TMEM68: variants seen among roughly 807,000 people sequenced by gnomAD.
TMEM68 encodes DGAT1/2-independent enzyme synthesizing storage lipids.
TMEM68 carries 25 observed loss-of-function variants against 36.9 expected under a neutral mutation model. The ratio of observed to expected loss-of-function variants is 0.68; its 90% CI spans 0.49 to 0.95. The LOEUF (loss-of-function observed/expected upper bound fraction) is 0.95. Among genes scored for constraint, TMEM68 ranks in the 40% least tolerant of loss-of-function variants. TMEM68 has a pLI of 0.00. For missense variants in TMEM68, 333 were observed against 392.0 expected (o/e 0.85, Z 1.27); for synonymous variants, 131 against 124.4 (o/e 1.05, Z -0.35).
At chr8:55,765,421 C>A (rs559957010) in intron 1 of TMEM68, among the ~76,000 whole-genome samples, 2 of 152,154 alleles carry the variant, frequency 1.3e-5, no homozygotes, top group African/African-American at 4.8e-5. Flanking sequence ...GTACGGTAAC[C>A]CCTGTGCCTC....
At chr8:55,773,007 G>C (rs1208098589) in intron 1 of TMEM68, 1 of 152,512 alleles carries the variant, frequency 6.6e-6, no homozygotes, top group African/African-American at 2.4e-5. Context: ...GAGAAGAGGG[G>C]CGGGGAGAGC....
intron 3 of TMEM68, among the ~76,000 whole-genome samples, chr8:55,757,358 T>TAGA (rs1385869976): frequency 1.1e-4 from 17 of 152,074 alleles, no homozygotes; most frequent in Non-Finnish European, 1.5e-5. Context: ...ACAAAATACT[T>TAGA]AAAGTCCCAC....
chr8:55,740,849 A>T (rs10106127), intron 7 of TMEM68, among the ~76,000 whole-genome samples: 24,571 of 152,178 alleles, frequency 0.16, 2,398 homozygotes, highest in East Asian at 0.3. Flanking sequence ...ATGAGTCATC[A>T]TGAACTATGT....
Position 55,749,820 on chromosome 8 carries a change from TA to T in TMEM68, c.687+1143del, listed in dbSNP as rs141971145. Among the ~76,000 whole-genome samples, 689 of 152,346 alleles carry T rather than the reference TA, an allele frequency of 4.5e-3. 9 individuals carry two copies. Among genetic ancestry groups the T allele is most frequent in the African/African-American group, 0.016 (645 of 41,576 alleles). On this transcript the variant is annotated intron_variant, in intron 5 of 7. Coordinates refer to ENST00000434581, the MANE Select transcript of TMEM68 (RefSeq NM_001286657.2). ...AGATTTCTGTTTGTTTTTAAACTTA[TA>T]AAAAGGTATTTCTTAAACTTTCTAA...
chr8:55,754,468 C>T (rs9721034), intron 4 of TMEM68, among the ~76,000 whole-genome samples: 59,340 of 91,688 alleles, frequency 0.65, 16,387 homozygotes, highest in Non-Finnish European at 0.68. Context: ...TATATATATA[C>T]ACACACACAC....
intron 4 of TMEM68, 111 bp from the exon 5 acceptor site, chr8:55,751,268 C>T (rs1585714209): frequency 2.1e-6 from 2 of 963,228 alleles, no homozygotes; most frequent in East Asian, 2.8e-5. Context: ...AATCAGTAAA[C>T]TTTTTTACTT....
intron 2 of TMEM68, chr8:55,763,717 C>G (rs1810877738): frequency 2.1e-5 from 1 of 47,012 alleles, no homozygotes; most frequent in Non-Finnish European, 5.6e-5. Context: ...CAAAAGAAAA[C>G]ATCAATATCT....
At position 55,762,930 on chromosome 8, in the gene TMEM68, T is replaced by C. The variant is rs531200613; in HGVS notation, c.30A>G (p.Val10=). 2 of 1,598,814 alleles carry C rather than the reference T, an allele frequency of 1.3e-6. No homozygotes were observed. Among genetic ancestry groups the C allele is most frequent in the African/African-American group, 2.7e-5 (2 of 74,342 alleles). The change falls in exon 3 of 8, where the codon GTA becomes GTG. Residue 10 remains valine (V), a synonymous_variant. Transcript: ENST00000434581. The part of the protein sequence containing the change: MIDKNQTCG[V]GQDSVPYMIC... The stretch of plus-strand genomic sequence containing the variant: ...TCATATAGGGCACAGAATCCTGTCC[T>C]ACACCACAGGTTTGATTTTTGTCTA...
chr8:55,760,825 T>C (rs2129999841), intron 3 of TMEM68: 1 of 152,350 alleles, frequency 6.6e-6, no homozygotes, highest in Non-Finnish European at 1.5e-5. Flanking sequence ...TGTTTCCATA[T>C]TATATCATTT....
chr8:55,750,434 A>G (rs191774459), intron 5 of TMEM68, among the ~76,000 whole-genome samples: 1 of 152,326 alleles, frequency 6.6e-6, no homozygotes, highest in Admixed American at 6.5e-5. Context: ...TTCCATAGGT[A>G]ATAGATAAGT....
rs1217940428 is a variant in TMEM68, at chr8:55,754,889, T to C, written c.493+1355A>G. On this transcript the variant is annotated intron_variant, in intron 4 of 7. Transcript: ENST00000434581. ...AAATATATAGTATATATTTATATTA[T>C]ATATAAAATACATATATTATATATT... Among the ~76,000 whole-genome samples, 3 of 136,268 alleles carry C rather than the reference T, an allele frequency of 2.2e-5. No homozygotes were observed. In the East Asian group the frequency reaches 6.0e-4, roughly 27 times the overall value. 89.4% of individuals were successfully genotyped at this position (136,268 alleles called of 152,430 possible).
chr8:55,764,788 A>T (rs1810912585), intron 1 of TMEM68, among the ~76,000 whole-genome samples: 1 of 152,078 alleles, frequency 6.6e-6, no homozygotes, highest in Non-Finnish European at 1.5e-5. Flanking sequence ...AAGTCAAATC[A>T]CCAGCTGGGC....
At position 55,755,407 on chromosome 8, in the gene TMEM68, C is replaced by T. The variant is rs1485352529; in HGVS notation, c.493+837G>A. Among the ~76,000 whole-genome samples the T allele has an allele frequency of 9.9e-5, 15 of 151,902 alleles. No homozygotes were observed. In the East Asian group the frequency reaches 2.3e-3, roughly 24 times the overall value. Reference sequence around the variant, plus strand: ...TCAGCTTCCCGAGTAGCTGAGCCTACAGAAGGCCTATTAGCCACCATACTG... The same window carrying T: ...TCAGCTTCCCGAGTAGCTGAGCCTATAGAAGGCCTATTAGCCACCATACTG... On this transcript the variant is annotated intron_variant, in intron 4 of 7. Transcript: ENST00000434581.
chr8:55,772,914 G>C (rs139119324), intron 1 of TMEM68: 1 of 152,394 alleles, frequency 6.6e-6, no homozygotes, highest in Admixed American at 6.5e-5. Flanking sequence ...AAGCCTAGAG[G>C]CCTCTACAGA....
At position 55,756,296 on chromosome 8, in the gene TMEM68, G is replaced by A. The variant is rs372564678; in HGVS notation, c.441C>T (p.His147=). ...CTACTACTCGGCAAGTTCTGCCTTTGTGTATAAATATTTTAGCCATGAAAT... is the reference window on the plus strand; with the variant it reads ...CTACTACTCGGCAAGTTCTGCCTTTATGTATAAATATTTTAGCCATGAAAT... The part of the protein sequence containing the change: ...FYYFMAKIFI[H]KGRTCRVVAD... The change falls in exon 4 of 8, where the codon CAC becomes CAT. Residue 147 remains histidine, a synonymous_variant. Coordinates refer to ENST00000434581, the MANE Select transcript of TMEM68 (RefSeq NM_001286657.2). 3 of 1,606,122 alleles carry A rather than the reference G, an allele frequency of 1.9e-6. No individual in the cohort carries two copies. The highest frequency in any genetic ancestry group is 2.7e-5 in the African/African-American group (2 of 74,462).
intron 4 of TMEM68, among the ~76,000 whole-genome samples, chr8:55,752,721 CT>C (rs61195952): frequency 0.61 from 62,302 of 102,738 alleles, 17,071 homozygotes; most frequent in East Asian, 0.9. Context: ...TATAGGATCC[CT>C]TTTTTTTTTT....
In TMEM68 at chr8:55,751,084, ACTC is replaced by A. The variant is rs1223356968; in HGVS notation, c.564_566del (p.Arg188del). 6 of 1,613,880 alleles carry A rather than the reference ACTC, an allele frequency of 3.7e-6. No homozygotes were observed. The highest frequency in any genetic ancestry group is 5.1e-6 in the Non-Finnish European group (6 of 1,180,002). Reference sequence around the variant, plus strand: ...CTGGTGAGATAGCTAACAAGTGGCCACTCCTCAGAATTTCAACACATTTTTCTC... The same window carrying A: ...CTGGTGAGATAGCTAACAAGTGGCCACTCAGAATTTCAACACATTTTTCTC... On this transcript the variant is annotated inframe_deletion, in exon 5 of 8. Transcript: ENST00000434581.
intron 5 of TMEM68, among the ~76,000 whole-genome samples, chr8:55,749,748 A>G (rs1241449910): frequency 1.3e-5 from 2 of 152,212 alleles, no homozygotes; most frequent in Admixed American, 1.3e-4. Context: ...AAAGTGTTTA[A>G]AAGTGCTATG....
Position 55,750,999 on chromosome 8 carries a change from T to C in TMEM68, c.652A>G (p.Arg218Gly). 2 of 1,612,862 alleles carry C rather than the reference T, an allele frequency of 1.2e-6. No homozygotes were observed. The highest frequency in any genetic ancestry group is 1.7e-6 in the Non-Finnish European group (2 of 1,179,780). Residue 218 changes from arginine (R) to glycine (G), a missense_variant, in exon 5 of 8, where the codon AGA becomes GGA. Coordinates refer to ENST00000434581, the MANE Select transcript of TMEM68 (RefSeq NM_001286657.2). ...TCAATTGCAACCTGAGCAAAGCCTC[T>C]GCGATGACCCCATACGATGTTATAA... ...ETYNIVWGHR[R>G]GFAQVAIDAK...
Sources: gnomAD v4.1 joint callset for allele counts (sites outside exome capture counted in the v4.1 genomes callset) on GRCh38, gnomAD v4.1.1 for gene constraint, MANE v1.5 for transcripts, NCBI Gene and HGNC (gene_info 2026-07-23, HGNC 2026-07-21) for gene names.